The following SYNPO variants were observed in gnomAD, a reference collection of about 807,000 sequenced individuals.
The protein encoded by SYNPO is synaptopodin.
Under a neutral mutation model 49.5 loss-of-function variants are expected in SYNPO, and 19 were observed. The ratio of observed to expected loss-of-function variants is 0.38; its 90% CI spans 0.27 to 0.56. The LOEUF (loss-of-function observed/expected upper bound fraction) is 0.56, where lower values mean the gene tolerates loss of function less well. Among genes scored for constraint, SYNPO ranks in the 20% least tolerant of loss-of-function variants. SYNPO has a pLI of 0.68. For missense variants in SYNPO, 1,131 were observed against 1,248.3 expected, an observed-to-expected ratio of 0.91 and a Z score of 1.42; for synonymous variants, 536 against 548.0, an observed-to-expected ratio of 0.98 and a Z score of 0.31.
At chr5:150,625,704 A>C (rs1380284141) in intron 2 of SYNPO, among the ~76,000 whole-genome samples, 1 of 152,096 alleles carries the variant, frequency 6.6e-6, no homozygotes, top group African/African-American at 2.4e-5. Context: ...CCCTGGCAGG[A>C]CCTCTTTGAG....
chr5:150,640,586 G>A (rs1757867092), upstream of SYNPO: 3 of 934,180 alleles, frequency 3.2e-6, no homozygotes, highest in African/African-American at 1.8e-5. Flanking sequence ...GGCAGCGTGG[G>A]GCGGGTAGAT....
At position 150,657,030 on chromosome 5, in the gene SYNPO, T is replaced by A. The variant is rs149867486; in HGVS notation, c.2655T>A (p.Asn885Lys). The change falls in exon 3 of 3, where the codon AAT (asparagine) becomes AAA (lysine). Residue 885 changes from asparagine to lysine, a missense_variant. Coordinates refer to ENST00000307662, the MANE Select transcript of SYNPO (RefSeq NM_007286.6). Reference protein sequence around the residue: ...LGYNICPRGWNGSLRLKRGSL... With the variant: ...LGYNICPRGWKGSLRLKRGSL... ...ACAATATCTGTCCCCGCGGGTGGAA[T>A]GGCAGCCTTCGGCTCAAGCGTGGCA... 6.2e-7 allele frequency: 1 copy of A among 1,602,964 alleles called. No individual in the cohort carries two copies. The highest frequency in any genetic ancestry group is 8.5e-7 in the Non-Finnish European group (1 of 1,176,102).
intron 1 of SYNPO, among the ~76,000 whole-genome samples, chr5:150,603,811 C>T (rs1441354389): frequency 6.6e-6 from 1 of 152,208 alleles, no homozygotes; most frequent in East Asian, 1.9e-4. Flanking sequence ...CCTCTCTGGC[C>T]CACCTCTCCT....
intron 2 of SYNPO, among the ~76,000 whole-genome samples, chr5:150,620,184 A>G (rs968932639): frequency 1.3e-5 from 2 of 152,244 alleles, no homozygotes; most frequent in Non-Finnish European, 2.9e-5. Context: ...TATGAGTCTT[A>G]TCTACCTCAA....
upstream of SYNPO, among the ~76,000 whole-genome samples, chr5:150,639,676 G>A (rs188543646): frequency 6.6e-6 from 1 of 152,302 alleles, no homozygotes; most frequent in Non-Finnish European, 1.5e-5. Context: ...GTTGCTGTGA[G>A]GATTAAATGA....
At chr5:150,599,895 T>C (rs1189180919), upstream of SYNPO, among the ~76,000 whole-genome samples, 1 of 152,152 alleles carries the variant, frequency 6.6e-6, no homozygotes, top group African/African-American at 2.4e-5. Context: ...AGGGATTGAA[T>C]TCTAACAGGA....
chr5:150,646,786 TA>T (rs1223979946), intron 1 of SYNPO, among the ~76,000 whole-genome samples: 2 of 152,122 alleles, frequency 1.3e-5, no homozygotes, highest in Non-Finnish European at 2.9e-5. Context: ...CATTTTTGTT[TA>T]AAAAAATTAG....
chr5:150,591,523 C>T, the SYNPO span, among the ~76,000 whole-genome samples: 2 of 152,228 alleles, frequency 1.3e-5, no homozygotes, highest in Non-Finnish European at 2.9e-5. Flanking sequence ...TCAGATAGCC[C>T]CAAGCCCTGG....
chr5:150,597,049 C>T (rs975372923), upstream of SYNPO, among the ~76,000 whole-genome samples: 8 of 152,204 alleles, frequency 5.3e-5, no homozygotes, highest in African/African-American at 1.7e-4. Flanking sequence ...ATAAACCTCC[C>T]TTGGGAAATC....
chr5:150,609,577 G>A (rs2151348261), intron 1 of SYNPO, among the ~76,000 whole-genome samples: 1 of 152,380 alleles, frequency 6.6e-6, no homozygotes, highest in South Asian at 2.1e-4. Context: ...TTATCGGCGT[G>A]AGCCATCATG....
intron 2 of SYNPO, among the ~76,000 whole-genome samples, chr5:150,655,885 A>G (rs1052036462): frequency 1.3e-5 from 2 of 152,230 alleles, no homozygotes; most frequent in Non-Finnish European, 2.9e-5. Flanking sequence ...TCCTGACCTC[A>G]GGTGATCCAC....
In SYNPO at chr5:150,648,721, A is replaced by C. The variant is rs761966823; in HGVS notation, c.446A>C (p.Glu149Ala). 3 of 1,614,176 alleles carry C rather than the reference A, an allele frequency of 1.9e-6. No homozygotes were observed. The highest frequency in any genetic ancestry group is 1.7e-6 in the Non-Finnish European group (2 of 1,180,030). The change falls in exon 2 of 3, where the codon GAG becomes GCG. Residue 149 changes from glutamate (E) to alanine (A), a missense_variant. This residue lies in a region of SYNPO where 602 missense variants were observed against 720.7 expected (regional missense o/e 0.84). Coordinates refer to ENST00000307662, the MANE Select transcript of SYNPO (RefSeq NM_007286.6). This position sits in a 1 kb window ranked among gnomAD's most constrained non-coding sequence, Gnocchi z 5.0. ...ADGQPQAPAE[E>A]VRCSTLLIDK... ...GGGCAACCCCAGGCACCGGCTGAGG[A>C]GGTGAGATGCAGCACACTCCTAATT...
At chr5:150,632,274 T>G (rs1169370847) in intron 2 of SYNPO, among the ~76,000 whole-genome samples, 1 of 152,202 alleles carries the variant, frequency 6.6e-6, no homozygotes, top group Admixed American at 6.5e-5. Context: ...ATCCCAGACT[T>G]CCTGAATTAC....
At chr5:150,631,676 C>G (rs1231480195) in intron 2 of SYNPO, among the ~76,000 whole-genome samples, 2 of 152,132 alleles carry the variant, frequency 1.3e-5, no homozygotes, top group African/African-American at 4.8e-5. Flanking sequence ...TTCCTTTCCT[C>G]TTTCCCTTGG....
chr5:150,605,759 TACAC>T (rs34727103), intron 1 of SYNPO, among the ~76,000 whole-genome samples: 4,543 of 142,182 alleles, frequency 0.032, 230 homozygotes, highest in African/African-American at 0.11. Flanking sequence ...CACACACACA[TACAC>T]ACACACACAC....
the SYNPO span, among the ~76,000 whole-genome samples, chr5:150,593,181 G>C: frequency 3.3e-5 from 5 of 152,246 alleles, no homozygotes; most frequent in Admixed American, 6.5e-5. Flanking sequence ...TAGGCCCCCA[G>C]ACCAGGGCAT....
At chr5:150,637,422 G>T (rs1051564424), upstream of SYNPO, among the ~76,000 whole-genome samples, 2 of 152,186 alleles carry the variant, frequency 1.3e-5, no homozygotes, top group East Asian at 3.8e-4. Flanking sequence ...CACTGAAACC[G>T]AATGCCTCGC....
At chr5:150,586,614 T>TGGA in the SYNPO span, among the ~76,000 whole-genome samples, 1 of 131,640 alleles carries the variant, frequency 7.6e-6, no homozygotes, top group African/African-American at 3.4e-5. Flanking sequence ...GGATGGATGA[T>TGGA]GTCTGGGCAG....
chr5:150,639,848 C>T (rs1478503111), upstream of SYNPO, among the ~76,000 whole-genome samples: 1 of 152,210 alleles, frequency 6.6e-6, no homozygotes, highest in Non-Finnish European at 1.5e-5. Context: ...CCCCTGCCCT[C>T]GAGGCCGTTG....
Sources: allele counts gnomAD v4.1 joint callset (sites outside exome capture counted in the v4.1 genomes callset), GRCh38; gene constraint gnomAD v4.1.1; regional missense constraint gnomAD v4.1.1; non-coding constraint Gnocchi (gnomAD v3.1); transcripts MANE v1.5; gene names NCBI Gene and HGNC (gene_info 2026-07-23, HGNC 2026-07-21).